Variants in ADAM22 observed in about 807,000 individuals in gnomAD.
ADAM22 encodes disintegrin and metalloproteinase domain-containing protein 22.
A neutral mutation model predicts 144.6 loss-of-function variants in ADAM22; 65 were observed. That is an observed-to-expected ratio of 0.45 (90% CI 0.37 to 0.55). ADAM22 has a LOEUF of 0.55. Ranked by LOEUF, ADAM22 falls within the 20% of genes least tolerant of loss-of-function variation. The pLI is 0.00. For missense variants in ADAM22, 974 were observed against 1,184.9 expected (o/e 0.82, Z 2.61); for synonymous variants, 391 against 412.6 (o/e 0.95, Z 0.63).
chr7:87,977,195 G>A (rs1852105783), intron 2 of ADAM22, among the ~76,000 whole-genome samples: 1 of 152,140 alleles, frequency 6.6e-6, no homozygotes, highest in Admixed American at 6.6e-5. Flanking sequence ...TAGGAGGATA[G>A]ACTTTAAAAC....
chr7:88,155,775 TAGATAATATACTTGATGA>T (rs1839781130), intron 21 of ADAM22, 94 bp from the exon 22 acceptor site: 2 of 1,254,120 alleles, frequency 1.6e-6, no homozygotes, highest in Non-Finnish European at 1.1e-6. Flanking sequence ...GGCATATGAG[TAGATAATATACTTGATGA>T]AAACCAAATG....
rs150983129 is a variant in ADAM22 at position 87,990,437 on chromosome 7, A to G, written c.323+12025A>G. On this transcript the variant is annotated intron_variant, in intron 3 of 31. Transcript: ENST00000413139. The stretch of plus-strand genomic sequence containing the variant: ...AACATACACCAAATAAGTAACATAC[A>G]TGAACATTTTTAAATAATTATTAGG... Among the ~76,000 whole-genome samples, 45 of 152,330 alleles carry G rather than the reference A, an allele frequency of 3.0e-4. 1 individual carries two copies. The East Asian group carries it at 8.3e-3, about 28-fold the overall frequency.
At chr7:88,182,422 G>A (rs1847293540) in intron 29 of ADAM22, among the ~76,000 whole-genome samples, 1 of 152,100 alleles carries the variant, frequency 6.6e-6, no homozygotes, top group Non-Finnish European at 1.5e-5. Flanking sequence ...AATTCCCATT[G>A]TACTAGAGCA....
intron 3 of ADAM22, among the ~76,000 whole-genome samples, chr7:88,030,401 T>C (rs931918069): frequency 1.3e-5 from 2 of 152,142 alleles, no homozygotes; most frequent in Non-Finnish European, 2.9e-5. Flanking sequence ...CTTAATTTCT[T>C]TGAGTTTACT....
intron 3 of ADAM22, among the ~76,000 whole-genome samples, chr7:87,987,084 G>A (rs1308143233): frequency 2.6e-5 from 4 of 152,170 alleles, no homozygotes; most frequent in Non-Finnish European, 4.4e-5. Flanking sequence ...TAAATCCCTA[G>A]AAGTTCTTTT....
chr7:88,063,866 G>A (rs1195047827), intron 3 of ADAM22, among the ~76,000 whole-genome samples: 1 of 152,174 alleles, frequency 6.6e-6, no homozygotes, highest in Non-Finnish European at 1.5e-5. Context: ...AATCAAAGAT[G>A]AGTTCTCAGA....
chr7:88,129,164 T>A (rs930284906), intron 9 of ADAM22, among the ~76,000 whole-genome samples: 1 of 152,054 alleles, frequency 6.6e-6, no homozygotes. Flanking sequence ...TTTCTTAGGA[T>A]AAGAACTTGA....
At chr7:88,034,860 C>T (rs1801137012) in intron 3 of ADAM22, among the ~76,000 whole-genome samples, 1 of 152,170 alleles carries the variant, frequency 6.6e-6, no homozygotes, top group Admixed American at 6.5e-5. Flanking sequence ...TGCACAGTTT[C>T]TCTCTCTGTG....
At position 87,970,896 on chromosome 7, in the gene ADAM22, C is replaced by T. The variant is rs111359374; in HGVS notation, c.247-7440C>T. On this transcript the variant is annotated intron_variant, in intron 2 of 31. Transcript: ENST00000413139. ...TAATTATACTGATTTATTAAGAGTT[C>T]CTGCCATTTGGAGAGTTATTTTATA... Among the ~76,000 whole-genome samples the T allele has an allele frequency of 4.6e-3, 700 of 152,188 alleles. 2 individuals are homozygous for T. The highest frequency in any genetic ancestry group is 0.016 in the African/African-American group (662 of 41,544).
intron 4 of ADAM22, among the ~76,000 whole-genome samples, chr7:88,076,710 G>T (rs1814620591): frequency 6.6e-6 from 1 of 152,206 alleles, no homozygotes; most frequent in South Asian, 2.1e-4. Context: ...CCCCAGATCT[G>T]CAGATGGTAT....
intron 29 of ADAM22, among the ~76,000 whole-genome samples, chr7:88,184,662 G>A (rs1280285305): frequency 6.6e-6 from 1 of 151,938 alleles, no homozygotes; most frequent in African/African-American, 2.4e-5. Context: ...TAGATTTACT[G>A]CAATATGATA....
At chr7:87,963,294 GA>G (rs1848369452) in intron 2 of ADAM22, among the ~76,000 whole-genome samples, 1 of 152,140 alleles carries the variant, frequency 6.6e-6, no homozygotes, top group Non-Finnish European at 1.5e-5. Flanking sequence ...CAGCTTCCCA[GA>G]AACCCAGTGG....
intron 2 of ADAM22, among the ~76,000 whole-genome samples, chr7:87,970,014 T>A (rs946664002): frequency 6.6e-6 from 1 of 152,212 alleles, no homozygotes; most frequent in Non-Finnish European, 1.5e-5. Flanking sequence ...GGTAGACCTG[T>A]TGGGTAGAAC....
chr7:88,175,470 G>T (rs977112012), intron 26 of ADAM22, among the ~76,000 whole-genome samples: 1 of 152,096 alleles, frequency 6.6e-6, no homozygotes, highest in Admixed American at 6.5e-5. Context: ...AAATGCCAAA[G>T]TTGTACAGAG....
chr7:88,149,181 T>A lies in ADAM22; in HGVS notation c.1566+124T>A, dbSNP rs1186947252. The A allele has an allele frequency of 2.4e-5, 16 of 660,542 alleles. No individual in the cohort carries two copies. In the East Asian group the frequency reaches 3.4e-4, roughly 14 times the overall value. 40.9% of individuals were successfully genotyped at this position (660,542 alleles called of 1,614,324 possible). ...GTGTCTCTTTCACATCATTTCTCCATTTTTTTTAGGAATTTAAGTTTCAGT... is the reference window on the plus strand; with the variant it reads ...GTGTCTCTTTCACATCATTTCTCCAATTTTTTTAGGAATTTAAGTTTCAGT... On this transcript the variant is annotated intron_variant, in intron 18 of 31. Transcript: ENST00000413139.
chr7:88,076,567 C>T (rs949001538), intron 4 of ADAM22, among the ~76,000 whole-genome samples: 2 of 147,964 alleles, frequency 1.4e-5, no homozygotes, highest in African/African-American at 4.9e-5. Flanking sequence ...GTTAGATCTA[C>T]AGGAGATCAA....
intron 3 of ADAM22, among the ~76,000 whole-genome samples, chr7:87,982,850 C>A (rs1026885260): frequency 6.6e-6 from 1 of 150,478 alleles, no homozygotes; most frequent in Admixed American, 6.6e-5. Flanking sequence ...CACCACAACA[C>A]CCGGCTAATT....
chr7:87,993,540 A>G (rs1361409754), intron 3 of ADAM22, among the ~76,000 whole-genome samples: 1 of 152,194 alleles, frequency 6.6e-6, no homozygotes, highest in East Asian at 1.9e-4. Context: ...ACCTGAACTT[A>G]TAGCTTCCTT....
intron 26 of ADAM22, 44 bp downstream of exon 26, chr7:88,171,605 C>T: frequency 6.6e-7 from 1 of 1,513,638 alleles, no homozygotes; most frequent in Non-Finnish European, 8.9e-7. Flanking sequence ...AAAGGTTTGA[C>T]TCATATTAGC....
Sources: gnomAD v4.1 joint callset for allele counts (sites outside exome capture counted in the v4.1 genomes callset) on GRCh38, gnomAD v4.1.1 for gene constraint, MANE v1.5 for transcripts, NCBI Gene and HGNC (gene_info 2026-07-23, HGNC 2026-07-21) for gene names.